Variants in DDAH1 observed in about 807,000 individuals in gnomAD.
The protein encoded by DDAH1 is dimethylarginine dimethylaminohydrolase 1, also known as N(G),N(G)-dimethylarginine dimethylaminohydrolase 1.
DDAH1 carries 19 observed loss-of-function variants against 28.8 expected under a neutral mutation model. That is an observed-to-expected ratio of 0.66 (90% CI 0.46 to 0.97). The LOEUF (loss-of-function observed/expected upper bound fraction) is 0.97. Among genes scored for constraint, DDAH1 ranks in the 50% least tolerant of loss-of-function variants. The pLI, the probability that DDAH1 is intolerant of heterozygous loss-of-function variation, is 0.00. For synonymous variants in DDAH1, 153 were observed against 154.4 expected (o/e 0.99, Z 0.07); for missense variants, 326 against 375.9 (o/e 0.87, Z 1.10).
At chr1:85,519,649 A>G (rs1382604888) in intron 1 of DDAH1, among the ~76,000 whole-genome samples, 1 of 152,214 alleles carries the variant, frequency 6.6e-6, no homozygotes, top group Non-Finnish European at 1.5e-5. Flanking sequence ...GCTAAAAACA[A>G]TCTTAAACTT....
chr1:85,435,319 C>A (rs1476329836), intron 1 of DDAH1: 1 of 152,090 alleles, frequency 6.6e-6, no homozygotes, highest in Admixed American at 6.5e-5. Context: ...TATTTGATTG[C>A]CTTGAGATTT....
In DDAH1 at chr1:85,366,498, G is replaced by A. The variant is rs114370972; in HGVS notation, c.304-7651C>T. The stretch of plus-strand genomic sequence containing the variant: ...CATTTTGGTTTCCATATTAGTAAAC[G>A]GAGGGCACAAAGCTTAAAAATGAGG... On this transcript the variant is annotated intron_variant, in intron 1 of 5. Transcript: ENST00000284031. Among the ~76,000 whole-genome samples the A allele has an allele frequency of 4.8e-3, 737 of 152,216 alleles. 2 individuals are homozygous for A. The highest frequency in any genetic ancestry group is 0.017 in the African/African-American group (707 of 41,520).
chr1:85,410,898 C>T (rs1258761135), intron 1 of DDAH1, among the ~76,000 whole-genome samples: 1 of 152,112 alleles, frequency 6.6e-6, no homozygotes, highest in Non-Finnish European at 1.5e-5. Flanking sequence ...GGAATATGAA[C>T]CTATAAGAAG....
intron 1 of DDAH1, among the ~76,000 whole-genome samples, chr1:85,550,643 G>A (rs1007193205): frequency 6.6e-6 from 1 of 152,136 alleles, no homozygotes; most frequent in Non-Finnish European, 1.5e-5. Context: ...GTGTTAGGGG[G>A]TAAAATTAAG....
At chr1:85,427,193 G>A (rs908122963) in intron 1 of DDAH1, among the ~76,000 whole-genome samples, 5 of 150,250 alleles carry the variant, frequency 3.3e-5, no homozygotes, top group Admixed American at 2.0e-4. Flanking sequence ...TCATTTAAAC[G>A]CTACTAAGTT....
At chr1:85,497,767 G>C (rs562961976) in intron 1 of DDAH1, among the ~76,000 whole-genome samples, 1 of 152,134 alleles carries the variant, frequency 6.6e-6, no homozygotes, top group Non-Finnish European at 1.5e-5. Context: ...ATTATAAAAT[G>C]TAACACAATT....
At chr1:85,344,493 C>G (rs1369760124) in intron 4 of DDAH1, among the ~76,000 whole-genome samples, 1 of 152,166 alleles carries the variant, frequency 6.6e-6, no homozygotes, top group Non-Finnish European at 1.5e-5. Context: ...GCAGCTTCCT[C>G]CTCTGAATAG....
At chr1:85,403,081 C>T (rs1652225481) in intron 1 of DDAH1, among the ~76,000 whole-genome samples, 1 of 151,530 alleles carries the variant, frequency 6.6e-6, no homozygotes, top group African/African-American at 2.4e-5. Flanking sequence ...TGGGACTGTC[C>T]CTTAGGGACT....
chr1:85,333,947 A>T (rs1423106447), intron 4 of DDAH1, among the ~76,000 whole-genome samples: 1 of 152,230 alleles, frequency 6.6e-6, no homozygotes, highest in Non-Finnish European at 1.5e-5. Flanking sequence ...TCCAAAATAG[A>T]TACAACCCCA....
At chr1:85,472,618 T>C (rs1324263302) in intron 2 of DDAH1, among the ~76,000 whole-genome samples, 1 of 152,168 alleles carries the variant, frequency 6.6e-6, no homozygotes, top group East Asian at 1.9e-4. Context: ...TAGGGGCTAA[T>C]GAGATAACCA....
intron 1 of DDAH1, among the ~76,000 whole-genome samples, chr1:85,516,009 T>C (rs1380804157): frequency 1.3e-5 from 2 of 152,188 alleles, no homozygotes; most frequent in Non-Finnish European, 2.9e-5. Flanking sequence ...TGTCCTCATA[T>C]GGTCACCCTT....
intron 1 of DDAH1, among the ~76,000 whole-genome samples, chr1:85,526,566 G>A (rs1322547615): frequency 9.2e-5 from 14 of 151,794 alleles, no homozygotes; most frequent in African/African-American, 3.4e-4. Flanking sequence ...CCTTGCACTA[G>A]GGTTTTGTGA....
intron 2 of DDAH1, among the ~76,000 whole-genome samples, chr1:85,355,264 C>A (rs967314448): frequency 4.6e-5 from 7 of 152,008 alleles, no homozygotes; most frequent in Non-Finnish European, 8.8e-5. Flanking sequence ...AAAGAAGGCA[C>A]AAGAGCCTGT....
At chr1:85,419,372 C>T (rs761974838) in intron 1 of DDAH1, among the ~76,000 whole-genome samples, 1 of 151,708 alleles carries the variant, frequency 6.6e-6, no homozygotes, top group Non-Finnish European at 1.5e-5. Context: ...AGCCCTGTCT[C>T]TACTAAAAAC....
chr1:85,446,558 G>A (rs1272261958), intron 1 of DDAH1, among the ~76,000 whole-genome samples: 1 of 152,162 alleles, frequency 6.6e-6, no homozygotes, highest in Non-Finnish European at 1.5e-5. Context: ...ACTTGATCAT[G>A]TCCATTCCAA....
At chr1:85,337,510 G>A (rs970995948) in intron 4 of DDAH1, among the ~76,000 whole-genome samples, 2 of 150,830 alleles carry the variant, frequency 1.3e-5, no homozygotes, top group Admixed American at 1.3e-4. Context: ...CTGGAGTGCA[G>A]TGGCACTATC....
At chr1:85,441,891 C>T (rs887941198) in intron 1 of DDAH1, among the ~76,000 whole-genome samples, 6 of 152,100 alleles carry the variant, frequency 3.9e-5, no homozygotes, top group African/African-American at 1.2e-4. Context: ...TGATATCTTC[C>T]TTATAAACTG....
rs1648405244 is a variant in DDAH1, at chr1:85,340,442, T to G, written c.597+9973A>C. 1.3e-5 allele frequency among the ~76,000 whole-genome samples: 2 copies of G among 152,182 alleles called. 1 individual carries two copies. The highest frequency in any genetic ancestry group is 3.8e-4 in the East Asian group (2 of 5,200). On this transcript the variant is annotated intron_variant, in intron 4 of 5. Transcript: ENST00000284031. Reference sequence around the variant, plus strand: ...GTTATTTCTGAAGTCATTTTGTTCATCATTGTCCCCAGGGGCACAGAACAG... The same window carrying G: ...GTTATTTCTGAAGTCATTTTGTTCAGCATTGTCCCCAGGGGCACAGAACAG...
At chr1:85,389,221 G>A (rs1465814348) in intron 1 of DDAH1, among the ~76,000 whole-genome samples, 1 of 151,880 alleles carries the variant, frequency 6.6e-6, no homozygotes, top group African/African-American at 2.4e-5. Context: ...GCAACAGAGT[G>A]AGATCCTGTC....
Sources: allele counts gnomAD v4.1 joint callset (sites outside exome capture counted in the v4.1 genomes callset), GRCh38; gene constraint gnomAD v4.1.1; transcripts MANE v1.5; gene names NCBI Gene and HGNC (gene_info 2026-07-23, HGNC 2026-07-21).